CLIC5: variants seen among roughly 807,000 people sequenced by gnomAD.
CLIC5 encodes CLIC family member 5.
In CLIC5, 20 loss-of-function variants were observed where a neutral mutation model predicts 24.7. That is an observed-to-expected ratio of 0.81 (90% CI 0.57 to 1.18). CLIC5 has a LOEUF of 1.18. Ranked by LOEUF, CLIC5 falls within the 50% of genes most tolerant of loss-of-function variation. CLIC5 has a pLI of 0.00. For synonymous variants in CLIC5, 159 were observed against 135.6 expected, an observed-to-expected ratio of 1.17 and a Z score of -1.20; for missense variants, 341 against 326.1, an observed-to-expected ratio of 1.05 and a Z score of -0.35.
chr6:46,047,433 A>C lies in CLIC5; in HGVS notation c.540+32270T>G, dbSNP rs563405484. Reference sequence around the variant, plus strand: ...CAGCACCAGAAATATGCAGGATATGAAGATTGAAATTTGAAAGATATAGAG... The same window carrying C: ...CAGCACCAGAAATATGCAGGATATGCAGATTGAAATTTGAAAGATATAGAG... On this transcript the variant is annotated intron_variant, in intron 1 of 5. Coordinates refer to the CLIC5 transcript ENST00000185206. 9.2e-5 allele frequency among the ~76,000 whole-genome samples: 14 copies of C among 152,304 alleles called. No homozygotes were observed. In the South Asian group the frequency reaches 2.9e-3, roughly 32 times the overall value.
chr6:46,119,725 A>T, the CLIC5 span, among the ~76,000 whole-genome samples: 20,235 of 152,152 alleles, frequency 0.13, 1,816 homozygotes, highest in South Asian at 0.32. Context: ...AAATCGGGTC[A>T]CTCCCACCCT....
At chr6:46,092,166 G>A in the CLIC5 span, among the ~76,000 whole-genome samples, 2 of 152,128 alleles carry the variant, frequency 1.3e-5, no homozygotes, top group Middle Eastern at 3.2e-3. Context: ...TGAGTTTTGG[G>A]TAAATTGATT....
chr6:46,015,700 G>C lies in CLIC5; in HGVS notation c.-158C>G. 1 of 1,278,998 alleles carries C rather than the reference G, an allele frequency of 7.8e-7. No homozygotes were observed. The allele number at this position is 1,278,998 out of a possible 1,614,324, so 79.2% of individuals were successfully genotyped here. The stretch of plus-strand genomic sequence containing the variant: ...CATCTATTCTCCAGCCCGAGCAGCG[G>C]GGTCTGAGAGATCAGTGTCCCAGAT... On this transcript the variant is annotated 5_prime_UTR_variant, in exon 1 of 6. Coordinates refer to ENST00000339561, the MANE Select transcript of CLIC5 (RefSeq NM_016929.5).
At chr6:45,918,593 T>C (rs1445509370) in intron 4 of CLIC5, among the ~76,000 whole-genome samples, 1 of 152,224 alleles carries the variant, frequency 6.6e-6, no homozygotes, top group African/African-American at 2.4e-5. Context: ...CAACTTCTCA[T>C]ATATGGTTTT....
At chr6:46,060,153 A>C (rs1762209698) in intron 1 of CLIC5, among the ~76,000 whole-genome samples, 1 of 152,224 alleles carries the variant, frequency 6.6e-6, no homozygotes, top group Non-Finnish European at 1.5e-5. Context: ...TTTAGGAGGC[A>C]TAGTCAGTCT....
chr6:45,958,439 T>TATATACACACACACACACACACACACAC (rs1554151276), intron 1 of CLIC5, among the ~76,000 whole-genome samples: 6 of 12,396 alleles, frequency 4.8e-4, no homozygotes, highest in East Asian at 1.1e-3. Context: ...TATATATATA[T>TATATACACACACACACACACACACACAC]ATATATATAT....
chr6:45,880,997 T>C, downstream of CLIC5: 1 of 396,320 alleles, frequency 2.5e-6, no homozygotes. Context: ...CAGGGAGAAA[T>C]CCAGACTTCA....
intron 4 of CLIC5, among the ~76,000 whole-genome samples, chr6:45,930,376 G>A (rs991673938): frequency 3.3e-5 from 5 of 152,186 alleles, no homozygotes; most frequent in South Asian, 4.1e-4. Flanking sequence ...GTCATTGGGA[G>A]GGGCAGCCAG....
Position 45,949,370 on chromosome 6 carries a change from T to G in CLIC5, c.185A>C (p.Asp62Ala). 3 of 1,613,454 alleles carry G rather than the reference T, an allele frequency of 1.9e-6. No homozygotes were observed. Among genetic ancestry groups the G allele is most frequent in the Non-Finnish European group, 2.5e-6 (3 of 1,179,646 alleles). The part of the protein sequence containing the change: ...TTVDLKRKPA[D>A]LHNLAPGTHP... ...CGTGCCGGGGGCTAGGTTGTGCAGG[T>G]CAGCTGGCTTTCTGTAGAGAGAGCA... The change falls in exon 3 of 6, where the codon GAC becomes GCC. Residue 62 changes from aspartate (D) to alanine (A), a missense_variant. Transcript: ENST00000339561.
chr6:45,951,070 T>C (rs1443842285), intron 2 of CLIC5, among the ~76,000 whole-genome samples: 1 of 152,222 alleles, frequency 6.6e-6, no homozygotes, highest in Non-Finnish European at 1.5e-5. Context: ...TTTCTTCTTA[T>C]AGCAAACTTT....
At chr6:45,971,380 A>G (rs948900292) in intron 1 of CLIC5, among the ~76,000 whole-genome samples, 9 of 152,168 alleles carry the variant, frequency 5.9e-5, no homozygotes, top group African/African-American at 1.7e-4. Flanking sequence ...TTTTAAAAAA[A>G]TTTTATTATG....
At chr6:45,930,888 T>C (rs1561942304) in intron 4 of CLIC5, among the ~76,000 whole-genome samples, 3 of 152,220 alleles carry the variant, frequency 2.0e-5, no homozygotes, top group Non-Finnish European at 1.5e-5. Context: ...TGAGGCATAC[T>C]GAAATTAACA....
At chr6:46,082,181 AAAG>A (rs1762937252), upstream of CLIC5, among the ~76,000 whole-genome samples, 1 of 152,148 alleles carries the variant, frequency 6.6e-6, no homozygotes, top group Admixed American at 6.5e-5. Context: ...GCATTATTAC[AAAG>A]AATAGTATAC....
intron 2 of CLIC5, among the ~76,000 whole-genome samples, chr6:45,953,423 C>T (rs779269457): frequency 6.6e-6 from 1 of 151,936 alleles, no homozygotes; most frequent in African/African-American, 2.4e-5. Context: ...GTAGGCCTTA[C>T]AGAGGGGATG....
At chr6:45,884,546 T>C (rs961158657) in intron 6 of CLIC5, among the ~76,000 whole-genome samples, 2 of 152,114 alleles carry the variant, frequency 1.3e-5, no homozygotes, top group African/African-American at 4.8e-5. Context: ...TGGAACTGGG[T>C]CACATGGCCA....
Position 46,079,984 on chromosome 6 carries a change from TC to T in CLIC5, c.258del (p.Ile87TyrfsTer44), listed in dbSNP as rs1562041863. Reference sequence around the variant, plus strand: ...TGAGCCTCCTGGAGTTCAGAGTATATCTCATCAGGCAGGAGGTAGCCTCTGT... The same window carrying T: ...TGAGCCTCCTGGAGTTCAGAGTATATTCATCAGGCAGGAGGTAGCCTCTGT... On this transcript the variant is annotated frameshift_variant, in exon 1 of 6. Coordinates refer to the CLIC5 transcript ENST00000185206. LOFTEE classifies it high-confidence loss of function. 1.9e-6 allele frequency: 3 copies of T among 1,551,656 alleles called. No homozygotes were observed. Among genetic ancestry groups the T allele is most frequent in the Non-Finnish European group, 2.6e-6 (3 of 1,146,980 alleles).
intron 1 of CLIC5, among the ~76,000 whole-genome samples, chr6:46,056,489 C>A (rs1768259113): frequency 6.6e-6 from 1 of 152,170 alleles, no homozygotes; most frequent in Admixed American, 6.5e-5. Context: ...GTACAACCTA[C>A]ACAATTAGTG....
chr6:46,020,068 A>G (rs1044450150), upstream of CLIC5, among the ~76,000 whole-genome samples: 2 of 152,158 alleles, frequency 1.3e-5, no homozygotes, highest in Non-Finnish European at 2.9e-5. Context: ...CAACACTATC[A>G]ATAACCTTGA....
intron 5 of CLIC5, among the ~76,000 whole-genome samples, chr6:45,908,514 G>A (rs77603154): frequency 0.022 from 3,412 of 152,034 alleles, 124 homozygotes; most frequent in African/African-American, 0.077. Context: ...TACTTTTGCC[G>A]TAATTTTGTT....
Sources: gnomAD v4.1 joint callset for allele counts (sites outside exome capture counted in the v4.1 genomes callset) on GRCh38, gnomAD v4.1.1 for gene constraint, MANE v1.5 for transcripts, NCBI Gene and HGNC (gene_info 2026-07-23, HGNC 2026-07-21) for gene names.